Variants in CYTH3 observed in about 807,000 individuals in gnomAD.
The protein encoded by CYTH3 is cytohesin 3, also known as cytohesin-3.
In CYTH3, 23 loss-of-function variants were observed where a neutral mutation model predicts 55.1. That is an observed-to-expected ratio of 0.42 (90% CI 0.30 to 0.59). The LOEUF is 0.59. Ranked by LOEUF, CYTH3 falls within the 20% of genes least tolerant of loss-of-function variation. CYTH3 has a pLI of 0.20. For missense variants in CYTH3, 413 were observed against 524.8 expected (o/e 0.79, Z 2.08); for synonymous variants, 249 against 194.9 (o/e 1.28, Z -2.31).
At chr7:6,262,811 C>T (rs551360197) in intron 1 of CYTH3, among the ~76,000 whole-genome samples, 65 of 152,260 alleles carry the variant, frequency 4.3e-4, no homozygotes, top group African/African-American at 1.4e-3. Flanking sequence ...CCTAGCTACT[C>T]GGGAGGCTGA....
At chr7:6,230,426 T>G (rs1372384303) in intron 1 of CYTH3, among the ~76,000 whole-genome samples, 1 of 152,114 alleles carries the variant, frequency 6.6e-6, no homozygotes, top group African/African-American at 2.4e-5. Flanking sequence ...CTAATGCAAA[T>G]CCCAAAGAAA....
chr7:6,248,291 G>A (rs1011524294), intron 1 of CYTH3, among the ~76,000 whole-genome samples: 5 of 143,212 alleles, frequency 3.5e-5, no homozygotes, highest in Non-Finnish European at 7.5e-5. Flanking sequence ...TCAGAATGCT[G>A]CTAAACGTTG....
chr7:6,203,741 C>CA (rs1160443190), intron 1 of CYTH3, among the ~76,000 whole-genome samples: 1 of 150,476 alleles, frequency 6.6e-6, no homozygotes, highest in African/African-American at 2.4e-5. Context: ...TTTTTGGAGA[C>CA]AGAGTCTCGC....
intron 1 of CYTH3, among the ~76,000 whole-genome samples, chr7:6,205,209 G>A (rs1253456007): frequency 2.0e-5 from 3 of 151,792 alleles, no homozygotes; most frequent in African/African-American, 7.3e-5. Flanking sequence ...CCATTTGTTT[G>A]GAAATTAAAT....
Position 6,173,682 on chromosome 7 carries a change from A to G in CYTH3, c.420T>C (p.Phe140=). The G allele has an allele frequency of 6.2e-7, 1 of 1,612,570 alleles. No individual in the cohort carries two copies. The highest frequency in any genetic ancestry group is 1.3e-5 in the African/African-American group (1 of 75,026). The part of the protein sequence containing the change: ...VLQAFVELHE[F]ADLNLVQALR... ...AGGCTTGTACAAGGTTGAGATCAGC[A>G]AACTCATGGAGTTCAACAAAGGCTT... The change falls in exon 6 of 13, where the codon TTT becomes TTC. Residue 140 remains phenylalanine, a synonymous_variant. Coordinates refer to ENST00000350796, the MANE Select transcript of CYTH3 (RefSeq NM_004227.4).
chr7:6,179,207 A>G (rs1440330877), intron 4 of CYTH3, among the ~76,000 whole-genome samples: 1 of 152,240 alleles, frequency 6.6e-6, no homozygotes, highest in African/African-American at 2.4e-5. Flanking sequence ...CATGAAATGG[A>G]ATGAACACTC....
At chr7:6,229,647 T>TG (rs1467907602) in intron 1 of CYTH3, among the ~76,000 whole-genome samples, 24 of 117,112 alleles carry the variant, frequency 2.0e-4, no homozygotes, top group South Asian at 5.9e-4. Context: ...CCGTCTCTAC[T>TG]GAAAAAAAAA....
At chr7:6,182,581 A>T (rs1423127897) in intron 4 of CYTH3, among the ~76,000 whole-genome samples, 1 of 152,312 alleles carries the variant, frequency 6.6e-6, no homozygotes, top group Middle Eastern at 3.4e-3. Flanking sequence ...ATCACATTTC[A>T]TTGTAGCCTC....
At chr7:6,231,113 T>C (rs1208353329) in intron 1 of CYTH3, among the ~76,000 whole-genome samples, 4 of 152,224 alleles carry the variant, frequency 2.6e-5, no homozygotes, top group Non-Finnish European at 5.9e-5. Flanking sequence ...CACTACTGCC[T>C]GCCTGCTCTC....
chr7:6,209,485 C>T (rs1040414588), intron 1 of CYTH3, among the ~76,000 whole-genome samples: 4 of 152,150 alleles, frequency 2.6e-5, no homozygotes, highest in South Asian at 2.1e-4. Context: ...CTGTCGTTGG[C>T]GGTGCGGGGG....
chr7:6,161,829 C>G lies in CYTH3; in HGVS notation c.*3115G>C, dbSNP rs1361851351. 6.6e-6 allele frequency: 1 copy of G among 152,554 alleles called. No individual in the cohort carries two copies. Among genetic ancestry groups the G allele is most frequent in the African/African-American group, 2.4e-5 (1 of 41,446 alleles). The allele number at this position is 152,554 out of a possible 1,614,324, so 9.5% of individuals were successfully genotyped here. On this transcript the variant is annotated 3_prime_UTR_variant, in exon 13 of 13. Coordinates refer to ENST00000350796, the MANE Select transcript of CYTH3 (RefSeq NM_004227.4). ...TTAGTGAACACAGTATCTGCAAGAG[C>G]TCTGACAGCCATCCACCCTCCAATC... is the stretch of plus-strand genomic sequence containing the variant.
At chr7:6,177,718 A>G in intron 5 of CYTH3, 105 bp downstream of exon 5, 1 of 872,804 alleles carries the variant, frequency 1.1e-6, no homozygotes, top group Admixed American at 2.1e-5. Context: ...CCGTGGCTCT[A>G]TCATGCCTTT....
chr7:6,197,441 G>C (rs909791257), intron 1 of CYTH3, among the ~76,000 whole-genome samples: 5 of 152,224 alleles, frequency 3.3e-5, no homozygotes, highest in African/African-American at 9.6e-5. Context: ...TCAGCACTTT[G>C]GAAGGCCGAA....
intron 4 of CYTH3, among the ~76,000 whole-genome samples, chr7:6,180,732 T>G (rs1017733596): frequency 2.6e-4 from 40 of 152,368 alleles, no homozygotes; most frequent in Non-Finnish European, 5.0e-4. Flanking sequence ...TTTACTATTT[T>G]AAAATACCAT....
chr7:6,206,670 A>G (rs1487565526), intron 1 of CYTH3, among the ~76,000 whole-genome samples: 1 of 152,216 alleles, frequency 6.6e-6, no homozygotes, highest in African/African-American at 2.4e-5. Context: ...TTAACAGAAG[A>G]AGGGAAGAAT....
intron 3 of CYTH3, among the ~76,000 whole-genome samples, chr7:6,187,417 G>A (rs1270465015): frequency 6.6e-6 from 1 of 152,228 alleles, no homozygotes; most frequent in Non-Finnish European, 1.5e-5. Flanking sequence ...TGAAGTGCCT[G>A]TGCTTATGCC....
At chr7:6,246,812 C>T (rs1229592093) in intron 1 of CYTH3, among the ~76,000 whole-genome samples, 1 of 151,714 alleles carries the variant, frequency 6.6e-6, no homozygotes, top group African/African-American at 2.4e-5. Flanking sequence ...TTTGACTTTT[C>T]ATTTGTAACA....
intron 4 of CYTH3, among the ~76,000 whole-genome samples, chr7:6,181,729 G>C (rs1364441346): frequency 1.3e-5 from 2 of 152,018 alleles, no homozygotes; most frequent in Non-Finnish European, 2.9e-5. Flanking sequence ...CTCCTTCTGT[G>C]ACTTCTATTA....
At chr7:6,262,071 C>G (rs771720859) in intron 1 of CYTH3, among the ~76,000 whole-genome samples, 1 of 151,908 alleles carries the variant, frequency 6.6e-6, no homozygotes, top group South Asian at 2.1e-4. Context: ...ACTCAATAAA[C>G]GAGTTCAACA....
Sources: allele counts gnomAD v4.1 joint callset (sites outside exome capture counted in the v4.1 genomes callset), GRCh38; gene constraint gnomAD v4.1.1; transcripts MANE v1.5; gene names NCBI Gene and HGNC (gene_info 2026-07-23, HGNC 2026-07-21).